MCMBP: variants seen among roughly 807,000 people sequenced by gnomAD.
The protein encoded by MCMBP is mini-chromosome maintenance complex-binding protein.
Under a neutral mutation model 81.3 loss-of-function variants are expected in MCMBP, and 31 were observed. The ratio of observed to expected loss-of-function variants is 0.38; its 90% confidence interval spans 0.29 to 0.51. The LOEUF (loss-of-function observed/expected upper bound fraction) is 0.51. Among genes scored for constraint, MCMBP ranks in the 20% least tolerant of loss-of-function variants. The probability of loss-of-function intolerance (pLI) is 0.87; values close to 1 mark genes in which losing one functional copy is unlikely to be tolerated. For missense variants in MCMBP, 645 were observed against 772.1 expected, an observed-to-expected ratio of 0.84 and a Z score of 1.95; for synonymous variants, 267 against 275.9, an observed-to-expected ratio of 0.97 and a Z score of 0.32.
intron 6 of MCMBP, among the ~76,000 whole-genome samples, chr10:119,850,872 C>CTTTCTTTTTTTTTTTTTTTTTTT (rs760381867): frequency 7.5e-6 from 1 of 134,166 alleles, no homozygotes. Flanking sequence ...TATACAAGAT[C>CTTTCTTTTTTTTTTTTTTTTTTT]TGTTTTTTTT....
chr10:119,839,276 GCTC>G (rs1338265783), intron 11 of MCMBP, among the ~76,000 whole-genome samples: 6 of 152,140 alleles, frequency 3.9e-5, no homozygotes, highest in African/African-American at 1.4e-4. Flanking sequence ...AACCATCTAT[GCTC>G]CTCCTCCAGC....
intron 1 of MCMBP, among the ~76,000 whole-genome samples, chr10:119,860,248 C>A (rs1010131699): frequency 1.3e-5 from 2 of 152,138 alleles, no homozygotes; most frequent in African/African-American, 4.8e-5. Flanking sequence ...TCTTTCAATA[C>A]ATTTTTATGT....
At chr10:119,833,333 T>C (rs1192463875) in intron 14 of MCMBP, among the ~76,000 whole-genome samples, 1 of 152,074 alleles carries the variant, frequency 6.6e-6, no homozygotes, top group Admixed American at 6.6e-5. Context: ...AGAGTTGCCA[T>C]ATTATATAAT....
At chr10:119,871,251 C>A (rs1238941415) in intron 1 of MCMBP, among the ~76,000 whole-genome samples, 1 of 152,116 alleles carries the variant, frequency 6.6e-6, no homozygotes, top group African/African-American at 2.4e-5. Context: ...CATCGATTAT[C>A]ATTTCTAGAA....
intron 14 of MCMBP, 29 bp from the exon 15 acceptor site, chr10:119,832,129 G>C: frequency 6.3e-7 from 1 of 1,584,984 alleles, no homozygotes; most frequent in Non-Finnish European, 8.6e-7. Context: ...TGTAAATGAT[G>C]TGCATTTTTG....
intron 8 of MCMBP, among the ~76,000 whole-genome samples, chr10:119,844,757 A>G (rs1161002337): frequency 6.6e-6 from 1 of 152,080 alleles, no homozygotes; most frequent in Non-Finnish European, 1.5e-5. Flanking sequence ...GCAGGCATGT[A>G]AAGAGCAGAC....
Position 119,849,466 on chromosome 10 carries a change from A to T in MCMBP, c.685T>A (p.Phe229Ile). The change falls in exon 7 of 16, where the codon TTT becomes ATT. Residue 229 changes from phenylalanine to isoleucine, a missense_variant. Coordinates refer to ENST00000369077, the MANE Select transcript of MCMBP (RefSeq NM_001256378.2). ...LNLSSPFDLNFPLPGEKGPAC... is the reference protein window; with the variant it reads ...LNLSSPFDLNIPLPGEKGPAC... ...GGGCCCTTCTCTCCTGGCAATGGAA[A>T]ATTCAAATCAAAAGGAGAAGACAAG... 6.2e-7 allele frequency: 1 copy of T among 1,611,354 alleles called. No individual in the cohort carries two copies. Among genetic ancestry groups the T allele is most frequent in the Non-Finnish European group, 8.5e-7 (1 of 1,179,330 alleles).
chr10:119,838,561 A>G lies in MCMBP; in HGVS notation c.1382T>C (p.Leu461Pro). ...TGGGGTATCCAGCTGCCCCTGTTCC[A>G]GGAGAGTCTCATCGATTACAAGGGA... is the stretch of plus-strand genomic sequence containing the variant. ...NTSLVIDETL[L>P]EQGQLDTPGV... is the part of the protein sequence containing the mutation. The change falls in exon 12 of 16, where the codon CTG (leucine) becomes CCG (proline). Residue 461 changes from leucine (L) to proline (P), a missense_variant. By Grantham distance (98) the Leu-to-Pro change is moderately conservative. Coordinates refer to ENST00000369077, the MANE Select transcript of MCMBP (RefSeq NM_001256378.2). 2 of 1,614,122 alleles carry G rather than the reference A, an allele frequency of 1.2e-6. No individual in the cohort carries two copies. Among genetic ancestry groups the G allele is most frequent in the Non-Finnish European group, 1.7e-6 (2 of 1,179,984 alleles).
intron 12 of MCMBP, among the ~76,000 whole-genome samples, chr10:119,838,042 T>A (rs1343935079): frequency 6.6e-6 from 1 of 151,540 alleles, no homozygotes; most frequent in Non-Finnish European, 1.5e-5. Flanking sequence ...AAATTTTAGG[T>A]TATATACAAC....
rs1387017436 is a variant in MCMBP, at chr10:119,872,727, CCGCGGGG to C, written c.-150_-144del. ...CTCGCGCCCTCCCACGCACAGCGAGCCGCGGGGCGCGGGCCTCCCGCGCCTCAGGGAG... is the reference window on the plus strand; with the variant it reads ...CTCGCGCCCTCCCACGCACAGCGAGCCGCGGGCCTCCCGCGCCTCAGGGAG... On this transcript the variant is annotated 5_prime_UTR_variant, in exon 1 of 16. Transcript: ENST00000369077. 2 of 255,658 alleles carry C rather than the reference CCGCGGGG, an allele frequency of 7.8e-6. No homozygotes were observed. The highest frequency in any genetic ancestry group is 2.3e-5 in the African/African-American group (1 of 43,328). The allele number at this position is 255,658 out of a possible 1,614,324, so 15.8% of individuals were successfully genotyped here.
At chr10:119,849,791 CTTTT>C (rs971543871) in intron 6 of MCMBP, among the ~76,000 whole-genome samples, 2 of 151,312 alleles carry the variant, frequency 1.3e-5, no homozygotes, top group Non-Finnish European at 2.9e-5. Flanking sequence ...AAAAATTTTA[CTTTT>C]TTTTCCCTTA....
Position 119,837,022 on chromosome 10 carries a change from A to T in MCMBP, c.1416T>A (p.His472Gln). The T allele has an allele frequency of 2.5e-6, 4 of 1,613,182 alleles. No homozygotes were observed. The highest frequency in any genetic ancestry group is 3.4e-6 in the Non-Finnish European group (4 of 1,179,666). ...TGAGGTTGCTCAGGGCTGTCACATT[A>T]TGAACACCTACAAAGGCAGGAAAAC... ...EQGQLDTPGVHNVTALSNLIT... is the reference protein window; with the variant it reads ...EQGQLDTPGVQNVTALSNLIT... Residue 472 changes from histidine (H) to glutamine (Q), a missense_variant, in exon 13 of 16, where the codon CAT becomes CAA. Physicochemically the swap from His to Gln is conservative, Grantham distance 24. Coordinates refer to ENST00000369077, the MANE Select transcript of MCMBP (RefSeq NM_001256378.2).
intron 8 of MCMBP, among the ~76,000 whole-genome samples, chr10:119,844,134 T>C (rs569110348): frequency 6.6e-6 from 1 of 152,348 alleles, no homozygotes; most frequent in Admixed American, 6.5e-5. Flanking sequence ...GTATCTATTA[T>C]TCAGCGTGTG....
chr10:119,867,845 C>G (rs1294446680), intron 1 of MCMBP, among the ~76,000 whole-genome samples: 1 of 152,104 alleles, frequency 6.6e-6, no homozygotes, highest in Non-Finnish European at 1.5e-5. Context: ...CAGTGGCCTA[C>G]CAAGGACAGA....
chr10:119,869,294 C>T (rs1853581300), intron 1 of MCMBP, among the ~76,000 whole-genome samples: 1 of 151,960 alleles, frequency 6.6e-6, no homozygotes, highest in African/African-American at 2.4e-5. Context: ...AAATTAGCGG[C>T]TCGGTGTGGT....
At chr10:119,837,557 C>T (rs1852289239) in intron 12 of MCMBP, among the ~76,000 whole-genome samples, 1 of 152,152 alleles carries the variant, frequency 6.6e-6, no homozygotes, top group South Asian at 2.1e-4. Flanking sequence ...GAGGTTAGTG[C>T]AAACCATTTG....
Position 119,849,541 on chromosome 10 carries a change from T to C in MCMBP, c.610A>G (p.Lys204Glu). ...GTAGAAGCTTCAGTTTCTAAACGTT[T>C]TGGCTCTCCACACCATTGAAGACCA... The part of the protein sequence containing the change: ...VGGLQWCGEP[K>E]RLETEASTGQ... Residue 204 changes from lysine (K) to glutamate (E), a missense_variant, in exon 7 of 16, where the codon AAA (lysine) becomes GAA (glutamate). By Grantham distance (56) the Lys-to-Glu change is moderately conservative. Coordinates refer to ENST00000369077, the MANE Select transcript of MCMBP (RefSeq NM_001256378.2). The C allele has an allele frequency of 6.2e-7, 1 of 1,607,526 alleles. No individual in the cohort carries two copies. Among genetic ancestry groups the C allele is most frequent in the South Asian group, 1.1e-5 (1 of 89,880 alleles).
rs189881363 is a variant in MCMBP, at chr10:119,864,543, T to C, written c.59-4659A>G. 1.6e-4 allele frequency among the ~76,000 whole-genome samples: 23 copies of C among 144,274 alleles called. No homozygotes were observed. In the East Asian group the frequency reaches 5.0e-3, roughly 31 times the overall value. 94.6% of individuals were successfully genotyped at this position (144,274 alleles called of 152,430 possible). On this transcript the variant is annotated intron_variant, in intron 1 of 15. Transcript: ENST00000369077. ...TTGGTAATTTGTTTTCCTTTTTTTT[T>C]TTCCTTTGCCAGTATGGCTAGAGGT...
intron 1 of MCMBP, among the ~76,000 whole-genome samples, chr10:119,862,812 C>T (rs1853309685): frequency 6.6e-6 from 1 of 152,188 alleles, no homozygotes; most frequent in African/African-American, 2.4e-5. Flanking sequence ...CCATCCTTGC[C>T]AGTACTTAGT....
Sources: allele counts gnomAD v4.1 joint callset (sites outside exome capture counted in the v4.1 genomes callset), GRCh38; gene constraint gnomAD v4.1.1; transcripts MANE v1.5; gene names NCBI Gene and HGNC (gene_info 2026-07-23, HGNC 2026-07-21).